CTIF: variants seen among roughly 807,000 people sequenced by gnomAD.
CTIF encodes the protein CBP80/20-dependent translation initiation factor.
Under a neutral mutation model 66.0 loss-of-function variants are expected in CTIF, and 21 were observed. The observed-to-expected ratio is 0.32, with a 90% CI of 0.23 to 0.46. The LOEUF is 0.46. CTIF is among the 20% of genes least tolerant of loss of function. The pLI is 1.00. For missense variants in CTIF, 739 were observed against 812.7 expected (o/e 0.91, Z 1.10); for synonymous variants, 345 against 326.4 (o/e 1.06, Z -0.62).
intron 3 of CTIF, among the ~76,000 whole-genome samples, chr18:48,641,346 G>A (rs2090926781): frequency 1.3e-5 from 2 of 152,236 alleles, no homozygotes; most frequent in Admixed American, 6.5e-5. Flanking sequence ...TTAGACTTGG[G>A]AAGGACTTCC....
chr18:48,692,866 T>C (rs8089251), intron 6 of CTIF, among the ~76,000 whole-genome samples: 43,733 of 152,120 alleles, frequency 0.29, 6,746 homozygotes, highest in African/African-American at 0.38. Flanking sequence ...TAAAATCTCC[T>C]CAGGTCATTA....
Position 48,607,689 on chromosome 18 carries a change from A to T in CTIF, c.-28-11849A>T, listed in dbSNP as rs530778825. Among the ~76,000 whole-genome samples the T allele has an allele frequency of 5.9e-5, 9 of 152,198 alleles. No individual in the cohort carries two copies. The South Asian group carries it at 1.9e-3, about 32-fold the overall frequency. On this transcript the variant is annotated intron_variant, in intron 1 of 11. Transcript: ENST00000256413. ...TCAGCTCACATTAAGGCTGAGCTGG[A>T]GGGTGGTGGGGGCATTACAGGAGCA...
At chr18:48,785,865 C>T (rs1000671423) in intron 9 of CTIF, among the ~76,000 whole-genome samples, 2 of 152,190 alleles carry the variant, frequency 1.3e-5, no homozygotes, top group Non-Finnish European at 2.9e-5. Flanking sequence ...CCCGCATCAA[C>T]ATTGTTTAAA....
chr18:48,773,716 C>T (rs1261179146), intron 9 of CTIF, among the ~76,000 whole-genome samples: 1 of 152,200 alleles, frequency 6.6e-6, no homozygotes, highest in Non-Finnish European at 1.5e-5. Context: ...TGGATAGAGA[C>T]TCCGCACAGG....
intron 10 of CTIF, among the ~76,000 whole-genome samples, chr18:48,850,180 G>A (rs539329820): frequency 4.1e-4 from 62 of 152,242 alleles, no homozygotes; most frequent in Non-Finnish European, 7.8e-4. Flanking sequence ...TCCGTGTTGT[G>A]GCATGTGTCT....
intron 9 of CTIF, among the ~76,000 whole-genome samples, chr18:48,810,106 C>G (rs1009562872): frequency 6.6e-6 from 1 of 151,946 alleles, no homozygotes; most frequent in Non-Finnish European, 1.5e-5. Flanking sequence ...TATAAAATTT[C>G]ATAGGTAGGT....
At chr18:48,795,040 G>A (rs1350442860) in intron 9 of CTIF, among the ~76,000 whole-genome samples, 1 of 152,190 alleles carries the variant, frequency 6.6e-6, no homozygotes, top group African/African-American at 2.4e-5. Context: ...GCAATCCTAA[G>A]TGGTTAGTTT....
At chr18:48,685,371 T>C (rs917860320) in intron 6 of CTIF, among the ~76,000 whole-genome samples, 10 of 151,974 alleles carry the variant, frequency 6.6e-5, no homozygotes, top group African/African-American at 2.4e-4. Context: ...TACAGGCACA[T>C]GCCACCACGC....
intron 6 of CTIF, among the ~76,000 whole-genome samples, chr18:48,687,307 C>G (rs904403097): frequency 2.5e-5 from 2 of 81,002 alleles, no homozygotes; most frequent in African/African-American, 8.2e-5. Flanking sequence ...TAGGAGGGGA[C>G]ACACACACAC....
chr18:48,775,019 A>G (rs778279056), intron 9 of CTIF, among the ~76,000 whole-genome samples: 1 of 152,132 alleles, frequency 6.6e-6, no homozygotes, highest in Non-Finnish European at 1.5e-5. Context: ...GGTTCGAAGC[A>G]CAGTCACCTG....
intron 2 of CTIF, among the ~76,000 whole-genome samples, chr18:48,625,654 G>C (rs2090580253): frequency 6.6e-6 from 1 of 152,074 alleles, no homozygotes; most frequent in Non-Finnish European, 1.5e-5. Flanking sequence ...TTTTTCACCT[G>C]CCCACATGCC....
intron 9 of CTIF, among the ~76,000 whole-genome samples, chr18:48,789,609 C>G (rs2067748625): frequency 6.6e-6 from 1 of 152,072 alleles, no homozygotes; most frequent in African/African-American, 2.4e-5. Context: ...CTAGAATACT[C>G]AGTATTGGTA....
intron 1 of CTIF, among the ~76,000 whole-genome samples, chr18:48,557,955 CAT>C (rs2089061896): frequency 6.6e-6 from 1 of 152,264 alleles, no homozygotes; most frequent in Non-Finnish European, 1.5e-5. Flanking sequence ...TGTTTCCAAA[CAT>C]ATTTATGCTG....
intron 9 of CTIF, among the ~76,000 whole-genome samples, chr18:48,782,635 C>T (rs1191833299): frequency 2.0e-5 from 3 of 152,210 alleles, no homozygotes; most frequent in Non-Finnish European, 4.4e-5. Context: ...GCCCTCAGTG[C>T]ACCCACAGGG....
intron 6 of CTIF, among the ~76,000 whole-genome samples, chr18:48,705,217 G>A (rs1429428102): frequency 6.6e-6 from 1 of 152,138 alleles, no homozygotes; most frequent in Non-Finnish European, 1.5e-5. Flanking sequence ...GCCGGGCTGC[G>A]CTCCTTCTTC....
intron 10 of CTIF, among the ~76,000 whole-genome samples, chr18:48,857,317 G>A (rs1247320239): frequency 2.6e-5 from 4 of 152,198 alleles, no homozygotes; most frequent in Non-Finnish European, 5.9e-5. Flanking sequence ...CTTGAATCAC[G>A]GTGTTCAGAC....
At chr18:48,814,846 C>T (rs1341352171) in intron 9 of CTIF, among the ~76,000 whole-genome samples, 1 of 152,156 alleles carries the variant, frequency 6.6e-6, no homozygotes, top group Non-Finnish European at 1.5e-5. Flanking sequence ...TCTTGTGGTC[C>T]CTTTTCACCC....
At chr18:48,636,874 C>T (rs1371551179) in intron 3 of CTIF, among the ~76,000 whole-genome samples, 189 bp downstream of exon 3, 1 of 152,186 alleles carries the variant, frequency 6.6e-6, no homozygotes, top group Non-Finnish European at 1.5e-5. Flanking sequence ...CTCCCACTCC[C>T]CCAAACTCAT....
chr18:48,774,162 G>A (rs1353256888), intron 9 of CTIF, among the ~76,000 whole-genome samples: 3 of 152,112 alleles, frequency 2.0e-5, no homozygotes, highest in Non-Finnish European at 4.4e-5. Context: ...GAGGCCAATC[G>A]GCATCATGTG....
Sources: gnomAD v4.1 joint callset for allele counts (sites outside exome capture counted in the v4.1 genomes callset) on GRCh38, gnomAD v4.1.1 for gene constraint, MANE v1.5 for transcripts, NCBI Gene and HGNC (gene_info 2026-07-23, HGNC 2026-07-21) for gene names.